THSD7A: variants seen among roughly 807,000 people sequenced by gnomAD.
THSD7A encodes thrombospondin type 1 domain containing 7A.
A neutral mutation model predicts 231.3 loss-of-function variants in THSD7A; 96 were observed. The ratio of observed to expected loss-of-function variants is 0.41; its 90% confidence interval spans 0.35 to 0.49. The LOEUF (loss-of-function observed/expected upper bound fraction) is 0.49, where lower values mean the gene tolerates loss of function less well. THSD7A is among the 20% of genes least tolerant of loss of function. The pLI is 0.05. For synonymous variants in THSD7A, 940 were observed against 743.3 expected, an observed-to-expected ratio of 1.26 and a Z score of -4.30; for missense variants, 2,290 against 2,070.2, an observed-to-expected ratio of 1.11 and a Z score of -2.06.
At chr7:11,785,669 A>G (rs74342404) in intron 1 of THSD7A, among the ~76,000 whole-genome samples, 6 of 152,082 alleles carry the variant, frequency 3.9e-5, no homozygotes, top group Non-Finnish European at 8.8e-5. Flanking sequence ...TATTCAAGAA[A>G]TCCATGATAG....
At chr7:11,830,973 G>C (rs1227393599) in intron 1 of THSD7A, among the ~76,000 whole-genome samples, 1 of 152,108 alleles carries the variant, frequency 6.6e-6, no homozygotes, top group African/African-American at 2.4e-5. Context: ...TTAATGCAGA[G>C]AGAAAGCGAA....
At chr7:11,522,211 T>G (rs1295481801) in intron 6 of THSD7A, among the ~76,000 whole-genome samples, 1 of 152,150 alleles carries the variant, frequency 6.6e-6, no homozygotes, top group Non-Finnish European at 1.5e-5. Context: ...CTCTTCTTAT[T>G]CCTTGGACAG....
At chr7:11,633,538 T>C (rs1781729589) in intron 2 of THSD7A, among the ~76,000 whole-genome samples, 1 of 152,188 alleles carries the variant, frequency 6.6e-6, no homozygotes, top group African/African-American at 2.4e-5. Flanking sequence ...AAGTTCAGGC[T>C]ACTCTTAGAG....
intron 23 of THSD7A, among the ~76,000 whole-genome samples, chr7:11,391,609 T>A (rs1294510782): frequency 1.5e-5 from 2 of 129,616 alleles, no homozygotes; most frequent in African/African-American, 9.3e-5. Context: ...AATGGTTCTG[T>A]CCTGGCAGTG....
At chr7:11,438,969 T>C (rs934857008) in intron 13 of THSD7A, among the ~76,000 whole-genome samples, 3 of 152,078 alleles carry the variant, frequency 2.0e-5, no homozygotes, top group South Asian at 2.1e-4. Context: ...TTCATTTATG[T>C]TCTCTTTGCA....
chr7:11,461,347 A>C (rs1040020123), intron 10 of THSD7A, among the ~76,000 whole-genome samples: 5 of 152,202 alleles, frequency 3.3e-5, no homozygotes, highest in African/African-American at 1.2e-4. Context: ...ATGTCATCTT[A>C]AATATTTATT....
chr7:11,679,329 T>C (rs910110634), intron 1 of THSD7A, among the ~76,000 whole-genome samples: 26 of 151,982 alleles, frequency 1.7e-4, no homozygotes, highest in African/African-American at 6.3e-4. Flanking sequence ...ATTCAACATA[T>C]TATTGATAAT....
chr7:11,820,830 T>C, intron 1 of THSD7A: 1 of 978,894 alleles, frequency 1.0e-6, no homozygotes, highest in Non-Finnish European at 1.6e-6. Flanking sequence ...TTCTTCTGCT[T>C]CTTTGATCCT....
At chr7:11,645,534 A>G (rs1782247517) in intron 1 of THSD7A, among the ~76,000 whole-genome samples, 1 of 151,834 alleles carries the variant, frequency 6.6e-6, no homozygotes. Context: ...GAAGTTTATT[A>G]CAAGTTTGTT....
At chr7:11,467,428 T>C (rs1038716848) in intron 9 of THSD7A, among the ~76,000 whole-genome samples, 1 of 152,184 alleles carries the variant, frequency 6.6e-6, no homozygotes, top group African/African-American at 2.4e-5. Context: ...TGTCTGGGAC[T>C]GTGATTTCTC....
At chr7:11,802,367 T>C (rs1784300216) in intron 1 of THSD7A, among the ~76,000 whole-genome samples, 1 of 152,192 alleles carries the variant, frequency 6.6e-6, no homozygotes, top group African/African-American at 2.4e-5. Flanking sequence ...CATGTGATTC[T>C]GATGCAGACA....
chr7:11,509,279 G>C lies in THSD7A; in HGVS notation c.1823-27297C>G, dbSNP rs1787690579. Reference sequence around the variant, plus strand: ...TTACGGCATGCATAGCAATTGGCAAGTACTAGAGCAGTGATGAACTGCAAT... The same window carrying C: ...TTACGGCATGCATAGCAATTGGCAACTACTAGAGCAGTGATGAACTGCAAT... On this transcript the variant is annotated intron_variant, in intron 6 of 27. Transcript: ENST00000423059. Among the ~76,000 whole-genome samples, 4 of 152,092 alleles carry C rather than the reference G, an allele frequency of 2.6e-5. No homozygotes were observed. The South Asian group carries it at 8.3e-4, about 31-fold the overall frequency.
At chr7:11,576,743 G>C (rs538273150) in intron 4 of THSD7A, among the ~76,000 whole-genome samples, 1 of 152,284 alleles carries the variant, frequency 6.6e-6, no homozygotes. Flanking sequence ...TCATGTCACA[G>C]AATGAACTTA....
At chr7:11,811,086 GATGTTA>G (rs1330543492) in intron 1 of THSD7A, among the ~76,000 whole-genome samples, 2 of 152,140 alleles carry the variant, frequency 1.3e-5, no homozygotes, top group Non-Finnish European at 2.9e-5. Flanking sequence ...TGTGGCATAT[GATGTTA>G]ATGTTAAGGA....
intron 4 of THSD7A, among the ~76,000 whole-genome samples, chr7:11,562,281 T>C (rs201435945): frequency 9.3e-6 from 1 of 107,074 alleles, no homozygotes; most frequent in East Asian, 3.0e-4. Flanking sequence ...AAATATATCT[T>C]TGAATTCTCA....
intron 2 of THSD7A, among the ~76,000 whole-genome samples, chr7:11,623,650 A>T (rs1562777706): frequency 6.6e-6 from 1 of 152,140 alleles, no homozygotes; most frequent in Non-Finnish European, 1.5e-5. Flanking sequence ...ATTATTTAAA[A>T]ATATCCTTTC....
chr7:11,495,854 A>G (rs1156673), intron 6 of THSD7A, among the ~76,000 whole-genome samples: 116,503 of 152,018 alleles, frequency 0.77, 44,639 homozygotes, highest in South Asian at 0.84. Flanking sequence ...CCGGGGGAAA[A>G]TGGATGAGAT....
chr7:11,830,541 C>T (rs1029687306), intron 1 of THSD7A, among the ~76,000 whole-genome samples: 16 of 152,168 alleles, frequency 1.1e-4, no homozygotes, highest in Admixed American at 2.0e-4. Context: ...AAGGTGTTAG[C>T]AAGAATAATC....
At chr7:11,453,336 T>C (rs1290690523) in intron 11 of THSD7A, among the ~76,000 whole-genome samples, 1 of 151,874 alleles carries the variant, frequency 6.6e-6, no homozygotes, top group Non-Finnish European at 1.5e-5. Context: ...CTTTTTTTTT[T>C]TTTAAGGACT....
Sources: gnomAD v4.1 joint callset for allele counts (sites outside exome capture counted in the v4.1 genomes callset) on GRCh38, gnomAD v4.1.1 for gene constraint, MANE v1.5 for transcripts, NCBI Gene and HGNC (gene_info 2026-07-23, HGNC 2026-07-21) for gene names.